TSC22D1: variants seen among roughly 807,000 people sequenced by gnomAD.
TSC22D1 encodes the protein TSC22 domain family protein 1.
In TSC22D1, 9 loss-of-function variants were observed where a neutral mutation model predicts 74.2. The ratio of observed to expected loss-of-function variants is 0.12; its 90% confidence interval spans 0.07 to 0.21. The LOEUF is 0.21. TSC22D1 is among the 10% of genes least tolerant of loss of function. The pLI is 1.00. For synonymous variants in TSC22D1, 586 were observed against 492.5 expected, an observed-to-expected ratio of 1.19 and a Z score of -2.51; for missense variants, 1,427 against 1,304.7, an observed-to-expected ratio of 1.09 and a Z score of -1.44.
intron 1 of TSC22D1, among the ~76,000 whole-genome samples, chr13:44,439,901 G>C (rs1424865949): frequency 6.6e-6 from 1 of 152,150 alleles, no homozygotes; most frequent in African/African-American, 2.4e-5. Context: ...TACAGTTGGA[G>C]ATTCAGCACT....
intron 1 of TSC22D1, among the ~76,000 whole-genome samples, chr13:44,518,266 T>C (rs769018089): frequency 6.6e-5 from 10 of 152,022 alleles, no homozygotes; most frequent in Non-Finnish European, 1.2e-4. Flanking sequence ...TGCTGCAAAA[T>C]AGAGGTAAAC....
Position 44,574,279 on chromosome 13 carries a change from C to T in TSC22D1, c.1796G>A (p.Ser599Asn). 4 of 1,614,178 alleles carry T rather than the reference C, an allele frequency of 2.5e-6. No homozygotes were observed. The highest frequency in any genetic ancestry group is 3.4e-6 in the Non-Finnish European group (4 of 1,180,032). The change falls in exon 1 of 3, where the codon AGT (serine) becomes AAT (asparagine). Residue 599 changes from serine (S) to asparagine (N), a missense_variant. Coordinates refer to ENST00000458659, the MANE Select transcript of TSC22D1 (RefSeq NM_183422.4). ...ATATGGTAGCTGGGGTTGAGCCAAA[C>T]TGGAAATGGAAGGCTGCTGACCTAA... is the stretch of plus-strand genomic sequence containing the variant. The part of the protein sequence containing the change: ...SALGQQPSIS[S>N]LAQPQLPYSQ...
At chr13:44,510,231 A>AG (rs1043417933) in intron 1 of TSC22D1, among the ~76,000 whole-genome samples, 1 of 151,884 alleles carries the variant, frequency 6.6e-6, no homozygotes, top group Non-Finnish European at 1.5e-5. Flanking sequence ...AAAAAAAAAA[A>AG]AAAATACAAA....
intron 1 of TSC22D1, among the ~76,000 whole-genome samples, chr13:44,454,396 A>T (rs1266411330): frequency 1.6e-4 from 24 of 152,162 alleles, no homozygotes; most frequent in Non-Finnish European, 2.9e-4. Context: ...CATCTATGTA[A>T]GTTAGGAAGT....
chr13:44,450,107 C>T (rs372506668), intron 1 of TSC22D1, among the ~76,000 whole-genome samples: 12 of 149,850 alleles, frequency 8.0e-5, no homozygotes, highest in African/African-American at 2.7e-4. Context: ...AGAAGACTTA[C>T]CCTCTGGGTG....
chr13:44,535,016 C>A lies in TSC22D1; in HGVS notation c.2912+38147G>T, dbSNP rs966370550. Among the ~76,000 whole-genome samples, 4 of 152,078 alleles carry A rather than the reference C, an allele frequency of 2.6e-5. No homozygotes were observed. In the South Asian group the frequency reaches 8.3e-4, roughly 32 times the overall value. ...CTTGGAATATTGGAGGCTACATATA[C>A]ACAGAGTACAATGTCTGTGGACATG... On this transcript the variant is annotated intron_variant, in intron 1 of 2. Coordinates refer to ENST00000458659, the MANE Select transcript of TSC22D1 (RefSeq NM_183422.4).
Position 44,576,031 on chromosome 13 carries a change from G to C in TSC22D1, c.44C>G (p.Ala15Gly), listed in dbSNP as rs1884214440. The change falls in exon 1 of 3, where the codon GCA becomes GGA. Residue 15 changes from alanine (A) to glycine (G), a missense_variant. Physicochemically the swap from Ala to Gly is moderately conservative, Grantham distance 60. Coordinates refer to ENST00000458659, the MANE Select transcript of TSC22D1 (RefSeq NM_183422.4). ...CGCCATCTTCCTAGCGCTAATGTCT[G>C]CAGCGGCGGCGGCCGCGGCGGTGGA... ...PESTAAAAAA[A>G]DISARKMAHP... The C allele has an allele frequency of 1.3e-6, 2 of 1,579,668 alleles. No individual in the cohort carries two copies. The highest frequency in any genetic ancestry group is 2.7e-5 in the African/African-American group (2 of 74,388).
At chr13:44,571,071 G>A (rs968852096) in intron 1 of TSC22D1, among the ~76,000 whole-genome samples, 13 of 152,098 alleles carry the variant, frequency 8.5e-5, no homozygotes, top group South Asian at 2.1e-4. Flanking sequence ...TTTTAATCAC[G>A]AAACTTTGAT....
intron 1 of TSC22D1, among the ~76,000 whole-genome samples, chr13:44,528,453 G>A (rs1010957889): frequency 1.1e-4 from 16 of 151,598 alleles, no homozygotes; most frequent in African/African-American, 3.4e-4. Context: ...ATATAACATC[G>A]GTCAAAGAAG....
intron 1 of TSC22D1, among the ~76,000 whole-genome samples, chr13:44,531,656 T>C (rs1045464593): frequency 7.9e-5 from 12 of 152,228 alleles, no homozygotes; most frequent in Non-Finnish European, 1.6e-4. Context: ...GTTTCTCAAA[T>C]TGGGGTATCT....
rs76997056 is a variant in TSC22D1, at chr13:44,564,691, G to C, written c.2912+8472C>G. ...ATGGAAAGGCTTAAAAGGGGTTCTG[G>C]CCAAGTAAGTTACCTGAACAGATTT... On this transcript the variant is annotated intron_variant, in intron 1 of 2. Coordinates refer to ENST00000458659, the MANE Select transcript of TSC22D1 (RefSeq NM_183422.4). Among the ~76,000 whole-genome samples, 910 of 152,222 alleles carry C rather than the reference G, an allele frequency of 6.0e-3. 1 individual carries two copies. Among genetic ancestry groups the C allele is most frequent in the Non-Finnish European group, 1.0e-2 (680 of 68,010 alleles).
intron 1 of TSC22D1, 153 bp from the exon 2 acceptor site, chr13:44,436,248 C>T: frequency 2.1e-6 from 2 of 974,084 alleles, no homozygotes; most frequent in South Asian, 3.2e-5. Context: ...AAAATGCCAG[C>T]CCCTCTCTTA....
chr13:44,457,503 C>A (rs1166418232), intron 1 of TSC22D1, among the ~76,000 whole-genome samples: 1 of 151,930 alleles, frequency 6.6e-6, no homozygotes, highest in Non-Finnish European at 1.5e-5. Flanking sequence ...ATGTTGTGGG[C>A]CTTCACAAAC....
At chr13:44,516,256 A>G (rs1308986846) in intron 1 of TSC22D1, 1 of 389,074 alleles carries the variant, frequency 2.6e-6, no homozygotes, top group Non-Finnish European at 4.9e-6. Context: ...CTTTGGGGGC[A>G]CTAGAAATTG....
rs143147037 is a variant in TSC22D1, at chr13:44,505,041, G to A, written c.2912+68122C>T. On this transcript the variant is annotated intron_variant, in intron 1 of 2. Transcript: ENST00000458659. ...GGCAAATTTTTGCCTAATGTGAATC[G>A]TAGTGCTCTTTTCCTTTAATGTCAA... Among the ~76,000 whole-genome samples, 579 of 152,274 alleles carry A rather than the reference G, an allele frequency of 3.8e-3. 2 individuals are homozygous for A. The highest frequency in any genetic ancestry group is 4.3e-3 in the South Asian group (21 of 4,830).
chr13:44,433,606 G>GGT lies in TSC22D1; in HGVS notation c.*1019_*1020insAC. 5.4e-6 allele frequency: 1 copy of GGT among 186,546 alleles called. No individual in the cohort carries two copies. Among genetic ancestry groups the GGT allele is most frequent in the South Asian group, 1.4e-4 (1 of 7,144 alleles). 11.6% of individuals were successfully genotyped at this position (186,546 alleles called of 1,614,324 possible). On this transcript the variant is annotated 3_prime_UTR_variant, in exon 3 of 3. Coordinates refer to ENST00000458659, the MANE Select transcript of TSC22D1 (RefSeq NM_183422.4). ...CACCTTACAATTGTGTAGAGAACAT[G>GGT]CACAGAAACATATGCATATAACTAC...
At chr13:44,513,612 T>C (rs990711721) in intron 1 of TSC22D1, among the ~76,000 whole-genome samples, 3 of 152,170 alleles carry the variant, frequency 2.0e-5, no homozygotes, top group Non-Finnish European at 4.4e-5. Flanking sequence ...ATAAAGTGAA[T>C]TGGCTAGGAC....
In TSC22D1 at chr13:44,543,943, A is replaced by G. The variant is rs569390144; in HGVS notation, c.2912+29220T>C. Reference sequence around the variant, plus strand: ...CTTGTCTCTACTAAAAATACAAAAAATTAGCTGGGCATGGTGGCGCTCACC... The same window carrying G: ...CTTGTCTCTACTAAAAATACAAAAAGTTAGCTGGGCATGGTGGCGCTCACC... On this transcript the variant is annotated intron_variant, in intron 1 of 2. Coordinates refer to ENST00000458659, the MANE Select transcript of TSC22D1 (RefSeq NM_183422.4). Among the ~76,000 whole-genome samples, 3 of 152,208 alleles carry G rather than the reference A, an allele frequency of 2.0e-5. No homozygotes were observed. The South Asian group carries it at 6.2e-4, about 32-fold the overall frequency.
At chr13:44,513,000 C>A (rs2138016159) in intron 1 of TSC22D1, among the ~76,000 whole-genome samples, 1 of 152,322 alleles carries the variant, frequency 6.6e-6, no homozygotes, top group South Asian at 2.1e-4. Context: ...AGGTTAGCTC[C>A]TTCCTAAATC....
Sources: gnomAD v4.1 joint callset for allele counts (sites outside exome capture counted in the v4.1 genomes callset) on GRCh38, gnomAD v4.1.1 for gene constraint, MANE v1.5 for transcripts, NCBI Gene and HGNC (gene_info 2026-07-23, HGNC 2026-07-21) for gene names.